RIN2: variants seen among roughly 807,000 people sequenced by gnomAD.
RIN2 encodes the protein RAB5 interacting protein 2.
RIN2 carries 36 observed loss-of-function variants against 78.0 expected under a neutral mutation model. The observed-to-expected ratio is 0.46, with a 90% CI of 0.35 to 0.61. The LOEUF (loss-of-function observed/expected upper bound fraction) is 0.61. Ranked by LOEUF, RIN2 falls within the 20% of genes least tolerant of loss-of-function variation. The pLI, the probability that RIN2 is intolerant of heterozygous loss-of-function variation, is 0.00. For missense variants in RIN2, 1,087 were observed against 1,159.7 expected, an observed-to-expected ratio of 0.94 and a Z score of 0.91; for synonymous variants, 466 against 466.8, an observed-to-expected ratio of 1.00 and a Z score of 0.02.
At chr20:19,823,836 A>G in intron 2 of RIN2, 1 of 1,606,060 alleles carries the variant, frequency 6.2e-7, no homozygotes, top group Non-Finnish European at 8.5e-7. Flanking sequence ...TTGGAGACAG[A>G]CCCAGGGGGC....
chr20:19,892,656 C>T (rs918275597), intron 3 of RIN2, among the ~76,000 whole-genome samples: 8 of 152,198 alleles, frequency 5.3e-5, no homozygotes, highest in African/African-American at 1.7e-4. Flanking sequence ...GGATTACAGG[C>T]GTGAGCCACC....
rs367671741 is a variant in RIN2 at position 19,794,588 on chromosome 20, G to C, written c.-162-5034G>C. 6.8e-5 allele frequency among the ~76,000 whole-genome samples: 10 copies of C among 147,274 alleles called. No individual in the cohort carries two copies. The South Asian group carries it at 2.0e-3, about 29-fold the overall frequency. Reference sequence around the variant, plus strand: ...GTGATACTAGGTAATGATGAATAACGTTCATATGAACCTTCTAGATGATGC... The same window carrying C: ...GTGATACTAGGTAATGATGAATAACCTTCATATGAACCTTCTAGATGATGC... On this transcript the variant is annotated intron_variant, in intron 1 of 12. Transcript: ENST00000255006.
chr20:19,847,356 A>G (rs140981304), intron 2 of RIN2, among the ~76,000 whole-genome samples: 59 of 152,328 alleles, frequency 3.9e-4, no homozygotes, highest in African/African-American at 1.3e-3. Flanking sequence ...TCCCTGAGAT[A>G]TGTTACTACT....
intron 2 of RIN2, among the ~76,000 whole-genome samples, chr20:19,866,320 A>G (rs1600655882): frequency 6.6e-6 from 1 of 152,098 alleles, no homozygotes; most frequent in Non-Finnish European, 1.5e-5. Context: ...TCACTGCCTC[A>G]CTCACTGCTC....
At chr20:19,787,377 C>T (rs1310250744) in intron 1 of RIN2, among the ~76,000 whole-genome samples, 5 of 143,796 alleles carry the variant, frequency 3.5e-5, no homozygotes, top group African/African-American at 7.9e-5. Flanking sequence ...GAGCTGAGAT[C>T]GCACCAGTGC....
At chr20:19,897,943 G>A (rs1276012988) in intron 3 of RIN2, among the ~76,000 whole-genome samples, 2 of 151,994 alleles carry the variant, frequency 1.3e-5, no homozygotes, top group African/African-American at 2.4e-5. Context: ...TGAACTCTTG[G>A]GCTCAAGTGA....
intron 1 of RIN2, among the ~76,000 whole-genome samples, chr20:19,798,597 A>G (rs1260155504): frequency 6.6e-6 from 1 of 152,082 alleles, no homozygotes; most frequent in Non-Finnish European, 1.5e-5. Flanking sequence ...CATGAGAAAC[A>G]TATTTAGAAA....
chr20:19,839,650 C>A (rs1356415321), intron 2 of RIN2, among the ~76,000 whole-genome samples: 2 of 152,152 alleles, frequency 1.3e-5, no homozygotes, highest in African/African-American at 4.8e-5. Flanking sequence ...CTAGTTCCAC[C>A]CTTACCTCTG....
At chr20:19,987,045 A>G (rs751924701) in intron 9 of RIN2, among the ~76,000 whole-genome samples, 10 of 152,156 alleles carry the variant, frequency 6.6e-5, no homozygotes, top group Non-Finnish European at 1.2e-4. Context: ...GCTGTAGGAG[A>G]TACTCTTGTG....
chr20:19,984,446 G>A (rs6046510), intron 9 of RIN2, among the ~76,000 whole-genome samples: 57,542 of 151,942 alleles, frequency 0.38, 13,020 homozygotes, highest in African/African-American at 0.63. Context: ...TCTAAACACA[G>A]GAAAGGAACA....
At chr20:19,979,252 T>G (rs2042373886) in intron 9 of RIN2, among the ~76,000 whole-genome samples, 1 of 152,206 alleles carries the variant, frequency 6.6e-6, no homozygotes, top group Non-Finnish European at 1.5e-5. Context: ...ATTTTCTATT[T>G]CATTCAGATA....
At chr20:19,997,777 T>A (rs2043016981) in intron 12 of RIN2, among the ~76,000 whole-genome samples, 2 of 151,748 alleles carry the variant, frequency 1.3e-5, no homozygotes, top group African/African-American at 2.4e-5. Context: ...AACAAAGAAA[T>A]CCTTACCCAA....
rs1307288367 is a variant in RIN2 at position 19,998,937 on chromosome 20, T to C, written c.2365-1676T>C. Among the ~76,000 whole-genome samples the C allele has an allele frequency of 2.0e-5, 3 of 152,286 alleles. No individual in the cohort carries two copies. In the East Asian group the frequency reaches 5.8e-4, roughly 29 times the overall value. On this transcript the variant is annotated intron_variant, in intron 12 of 12. Transcript: ENST00000255006. ...TTCACCTGGAGACCCTCAGACACCA[T>C]AGAGCTGCCTTCTTCTGCAGCCGTC...
At chr20:19,782,328 G>C (rs1398341795) in intron 1 of RIN2, among the ~76,000 whole-genome samples, 1 of 152,304 alleles carries the variant, frequency 6.6e-6, no homozygotes, top group African/African-American at 2.4e-5. Context: ...ACTTTGGGAG[G>C]CTGAGGTGGG....
intron 12 of RIN2, among the ~76,000 whole-genome samples, chr20:19,999,825 A>T (rs1260509056): frequency 6.6e-6 from 1 of 152,226 alleles, no homozygotes; most frequent in Non-Finnish European, 1.5e-5. Context: ...AATCAGCTCC[A>T]TCTGCAAAGT....
At chr20:19,961,940 TG>T (rs2041765962) in intron 6 of RIN2, among the ~76,000 whole-genome samples, 1 of 152,160 alleles carries the variant, frequency 6.6e-6, no homozygotes, top group African/African-American at 2.4e-5. Flanking sequence ...GCTAATAATG[TG>T]TTAGGTGAAT....
At chr20:19,818,054 G>A (rs1376549491) in intron 2 of RIN2, among the ~76,000 whole-genome samples, 2 of 152,180 alleles carry the variant, frequency 1.3e-5, no homozygotes, top group African/African-American at 4.8e-5. Flanking sequence ...ACACAGGTAG[G>A]CTATATGGTA....
intron 1 of RIN2, among the ~76,000 whole-genome samples, chr20:19,766,407 G>A (rs1305004420): frequency 6.6e-6 from 1 of 152,218 alleles, no homozygotes; most frequent in East Asian, 1.9e-4. Context: ...CAGAGGTAGA[G>A]TCATTTCAAA....
At chr20:19,825,912 CT>C (rs2036075869) in intron 2 of RIN2, among the ~76,000 whole-genome samples, 1 of 152,206 alleles carries the variant, frequency 6.6e-6, no homozygotes. Context: ...CTGGTCCTAT[CT>C]TTCCAAAGCA....
Sources: allele counts gnomAD v4.1 joint callset (sites outside exome capture counted in the v4.1 genomes callset), GRCh38; gene constraint gnomAD v4.1.1; transcripts MANE v1.5; gene names NCBI Gene and HGNC (gene_info 2026-07-23, HGNC 2026-07-21).